KIAA1755: variants seen among roughly 807,000 people sequenced by gnomAD.
KIAA1755 encodes KIAA1755.
KIAA1755 carries 68 observed loss-of-function variants against 91.7 expected under a neutral mutation model. The ratio of observed to expected loss-of-function variants is 0.74; its 90% CI spans 0.61 to 0.91. The LOEUF (loss-of-function observed/expected upper bound fraction) is 0.91, where lower values mean the gene tolerates loss of function less well. KIAA1755 is among the 40% of genes least tolerant of loss of function. KIAA1755 has a pLI of 0.00. For missense variants in KIAA1755, 1,535 were observed against 1,494.4 expected (o/e 1.03, Z -0.45); for synonymous variants, 610 against 604.6 (o/e 1.01, Z -0.13).
At chr20:38,226,497 G>A (rs1157527834) in intron 7 of KIAA1755, among the ~76,000 whole-genome samples, 1 of 152,140 alleles carries the variant, frequency 6.6e-6, no homozygotes, top group Non-Finnish European at 1.5e-5. Flanking sequence ...ATTTCCCCAA[G>A]AGATCAGTAA....
chr20:38,246,285 C>T (rs543773159), intron 1 of KIAA1755, among the ~76,000 whole-genome samples, 159 bp from the exon 2 acceptor site: 2 of 152,206 alleles, frequency 1.3e-5, no homozygotes, highest in East Asian at 3.9e-4. Flanking sequence ...GCCACACTGG[C>T]CTTCTTTCCT....
intron 1 of KIAA1755, chr20:38,260,098 C>A: frequency 1.1e-6 from 1 of 915,724 alleles, no homozygotes; most frequent in Admixed American, 4.1e-5. Flanking sequence ...GACTTTAACC[C>A]CCACCACCAC....
At position 38,219,715 on chromosome 20, in the gene KIAA1755, T is replaced by C. The variant is rs755053641; in HGVS notation, c.2471A>G (p.His824Arg). Residue 824 changes from histidine (H) to arginine (R), a missense_variant, in exon 11 of 14, where the codon CAT (histidine) becomes CGT (arginine). Coordinates refer to ENST00000279024, the MANE Select transcript of KIAA1755 (RefSeq NM_001029864.2). ...ALYSLVDEQLHVLVTASNSLL... is the reference protein window; with the variant it reads ...ALYSLVDEQLRVLVTASNSLL... Reference sequence around the variant, plus strand: ...GCTGTTGGAAGCGGTGACCAGAACATGAAGCTGCTCGTCCACAAGGCTGTA... The same window carrying C: ...GCTGTTGGAAGCGGTGACCAGAACACGAAGCTGCTCGTCCACAAGGCTGTA... 4 of 1,614,078 alleles carry C rather than the reference T, an allele frequency of 2.5e-6. No homozygotes were observed. Among genetic ancestry groups the C allele is most frequent in the Non-Finnish European group, 3.4e-6 (4 of 1,180,000 alleles).
intron 4 of KIAA1755, 103 bp downstream of exon 4, chr20:38,239,425 G>A (rs1178826766): frequency 5.0e-6 from 5 of 1,007,528 alleles, no homozygotes; most frequent in Non-Finnish European, 7.6e-6. Context: ...TAGAACCTAG[G>A]CCTCCAGGGC....
At chr20:38,259,820 CCACACACACA>C (rs57325877) in intron 1 of KIAA1755, among the ~76,000 whole-genome samples, 4 of 138,800 alleles carry the variant, frequency 2.9e-5, no homozygotes, top group Non-Finnish European at 4.6e-5. Context: ...ACCACCACCA[CCACACACACA>C]CACACACACA....
Position 38,210,905 on chromosome 20 carries a change from T to A in KIAA1755, c.*2137A>T, listed in dbSNP as rs1432803164. The A allele has an allele frequency of 6.6e-6, 1 of 152,144 alleles. No individual in the cohort carries two copies. The highest frequency in any genetic ancestry group is 2.4e-5 in the African/African-American group (1 of 41,406). The allele number at this position is 152,144 out of a possible 1,614,324, so 9.4% of individuals were successfully genotyped here. On this transcript the variant is annotated 3_prime_UTR_variant, in exon 14 of 14. Coordinates refer to ENST00000279024, the MANE Select transcript of KIAA1755 (RefSeq NM_001029864.2). ...AACGCCTCTTGCATCTTTGGGCCTG[T>A]CTGGATGGAAGGCAGGGAGGGGAAT...
chr20:38,225,715 G>A lies in KIAA1755; in HGVS notation c.2119C>T (p.Leu707=), dbSNP rs142115516. The change falls in exon 8 of 14, where the codon CTG becomes TTG. Residue 707 remains leucine, a synonymous_variant. Transcript: ENST00000279024. ...TGGCAGTAGGGGAAGGGGCCTTCCA[G>A]GACTGCGGGCAGCTGGCTGGGGTCC... ...HVDPSQLPAV[L]EGPFPYCHTE... The A allele has an allele frequency of 6.6e-5, 106 of 1,612,204 alleles. No individual in the cohort carries two copies. In the African/African-American group the frequency reaches 1.3e-3, roughly 20 times the overall value.
At chr20:38,223,729 C>T in intron 8 of KIAA1755, 93 bp from the exon 9 acceptor site, 1 of 868,388 alleles carries the variant, frequency 1.2e-6, no homozygotes, top group Non-Finnish European at 1.8e-6. Context: ...AGGTGGGAGG[C>T]AGTGGCTCTC....
chr20:38,255,081 G>T (rs2076317314), intron 1 of KIAA1755, among the ~76,000 whole-genome samples: 1 of 152,002 alleles, frequency 6.6e-6, no homozygotes, highest in Non-Finnish European at 1.5e-5. Flanking sequence ...GAAGGCCGAG[G>T]CAGGAGAATT....
chr20:38,227,542 C>T (rs2075781559), intron 6 of KIAA1755, among the ~76,000 whole-genome samples: 1 of 152,214 alleles, frequency 6.6e-6, no homozygotes, highest in South Asian at 2.1e-4. Context: ...AGATGCAGAA[C>T]CTCCATTGAC....
intron 1 of KIAA1755, among the ~76,000 whole-genome samples, chr20:38,252,618 G>T (rs2076270480): frequency 6.6e-6 from 1 of 152,124 alleles, no homozygotes; most frequent in South Asian, 2.1e-4. Context: ...GGGGACTGAC[G>T]ATCCCAGCTG....
At chr20:38,242,377 A>G (rs2076085337) in intron 2 of KIAA1755, among the ~76,000 whole-genome samples, 1 of 152,210 alleles carries the variant, frequency 6.6e-6, no homozygotes, top group South Asian at 2.1e-4. Flanking sequence ...CCTATCTGCA[A>G]ATAGGATAAT....
In KIAA1755 at chr20:38,217,676, T is replaced by C. The variant is rs73283225; in HGVS notation, c.2680-202A>G. The C allele has an allele frequency of 2.8e-4, 168 of 592,424 alleles. 1 individual carries two copies. In the African/African-American group the frequency reaches 3.0e-3, roughly 11 times the overall value. 36.7% of individuals were successfully genotyped at this position (592,424 alleles called of 1,614,324 possible). ...TGAGGGTTGAACAATTAAGAGCAGT[T>C]ATCACGCTTCTGGAAGTCTCCAGGC... On this transcript the variant is annotated intron_variant, in intron 12 of 13. Transcript: ENST00000279024.
At chr20:38,220,677 C>T (rs111681216) in intron 10 of KIAA1755, among the ~76,000 whole-genome samples, 19 of 152,292 alleles carry the variant, frequency 1.2e-4, no homozygotes, top group South Asian at 4.1e-4. Flanking sequence ...AGAGAACCAG[C>T]GCTCATGCGT....
chr20:38,239,500 A>G, intron 4 of KIAA1755, 28 bp downstream of exon 4: 1 of 1,609,634 alleles, frequency 6.2e-7, no homozygotes. Context: ...CTCCCTCCCT[A>G]CCACCTCCTG....
At chr20:38,237,393 G>A (rs117280719) in intron 4 of KIAA1755, among the ~76,000 whole-genome samples, 1,762 of 152,120 alleles carry the variant, frequency 0.012, 16 homozygotes, top group Non-Finnish European at 0.02. Context: ...TTCCAGCTTC[G>A]TTCAGCTTGA....
At chr20:38,224,609 T>C (rs1037902919) in intron 8 of KIAA1755, among the ~76,000 whole-genome samples, 1 of 152,134 alleles carries the variant, frequency 6.6e-6, no homozygotes, top group Non-Finnish European at 1.5e-5. Flanking sequence ...GTGCAAACAG[T>C]GGGTAGAGCC....
Position 38,241,440 on chromosome 20 carries a change from G to A in KIAA1755, c.691C>T (p.Gln231Ter), listed in dbSNP as rs768081125. The stretch of plus-strand genomic sequence containing the variant: ...CTGCCCTTACCCTTGGCCAAACTCT[G>A]GGCAGGAAGCACCTGGTTGTCTGGG... ...SSPDNQVLPA[Q>*]SLAKGKGRTY... The change falls in exon 3 of 14, where the codon CAG becomes TAG. Residue 231 changes from glutamine (Q) to a stop codon, truncating the protein, a stop_gained. Transcript: ENST00000279024. LOFTEE classifies it high-confidence loss of function. The A allele has an allele frequency of 1.2e-6, 2 of 1,614,184 alleles. No individual in the cohort carries two copies. Among genetic ancestry groups the A allele is most frequent in the Admixed American group, 3.3e-5 (2 of 60,024 alleles).
intron 1 of KIAA1755, among the ~76,000 whole-genome samples, chr20:38,257,993 G>A (rs8184166): frequency 0.044 from 6,669 of 151,850 alleles, 442 homozygotes; most frequent in African/African-American, 0.15. Flanking sequence ...TCCGCCTCCG[G>A]GGTTCAAGTG....
Sources: allele counts gnomAD v4.1 joint callset (sites outside exome capture counted in the v4.1 genomes callset), GRCh38; gene constraint gnomAD v4.1.1; transcripts MANE v1.5; gene names NCBI Gene and HGNC (gene_info 2026-07-23, HGNC 2026-07-21).